The following DPP10 variants were observed in gnomAD, a reference collection of about 807,000 sequenced individuals.
The protein encoded by DPP10 is dipeptidyl peptidase like 10, also known as inactive dipeptidyl peptidase 10.
Under a neutral mutation model 120.9 loss-of-function variants are expected in DPP10, and 33 were observed. The observed-to-expected ratio is 0.27, with a 90% confidence interval of 0.21 to 0.37. The LOEUF (loss-of-function observed/expected upper bound fraction) is 0.37, where lower values mean the gene tolerates loss of function less well. Ranked by LOEUF, DPP10 falls within the 10% of genes least tolerant of loss-of-function variation. The probability of loss-of-function intolerance (pLI) is 1.00; values close to 1 mark genes in which losing one functional copy is unlikely to be tolerated. For missense variants in DPP10, 816 were observed against 942.8 expected (o/e 0.87, Z 1.76); for synonymous variants, 337 against 326.1 (o/e 1.03, Z -0.36).
chr2:114,853,008 G>A (rs1278394683), intron 1 of DPP10, among the ~76,000 whole-genome samples: 2 of 152,100 alleles, frequency 1.3e-5, no homozygotes, highest in Non-Finnish European at 2.9e-5. Flanking sequence ...TGTGCTGTCT[G>A]GACTCAGGAT....
chr2:115,266,678 G>T (rs1336380902), intron 1 of DPP10, among the ~76,000 whole-genome samples: 1 of 152,078 alleles, frequency 6.6e-6, no homozygotes, highest in African/African-American at 2.4e-5. Flanking sequence ...CTTTGTCTGT[G>T]GTATTAAGCT....
At chr2:114,850,385 G>A (rs1688862558) in intron 1 of DPP10, among the ~76,000 whole-genome samples, 1 of 152,068 alleles carries the variant, frequency 6.6e-6, no homozygotes, top group African/African-American at 2.4e-5. Context: ...AAACTGAGAG[G>A]TTATTAATAT....
intron 1 of DPP10, among the ~76,000 whole-genome samples, chr2:114,906,996 A>G (rs1361384667): frequency 6.6e-6 from 1 of 152,118 alleles, no homozygotes; most frequent in African/African-American, 2.4e-5. Context: ...TTTTTAATGT[A>G]TTCCCTATGA....
chr2:114,850,587 A>G (rs763529602), intron 1 of DPP10, among the ~76,000 whole-genome samples: 1 of 152,054 alleles, frequency 6.6e-6, no homozygotes, highest in Non-Finnish European at 1.5e-5. Flanking sequence ...GAGAGTCACA[A>G]TTCAGATCCT....
intron 1 of DPP10, among the ~76,000 whole-genome samples, chr2:114,746,563 G>T (rs2106012486): frequency 6.6e-6 from 1 of 152,326 alleles, no homozygotes; most frequent in Non-Finnish European, 1.5e-5. Context: ...CAGTCCTCAG[G>T]AGATGGAAGT....
chr2:115,004,589 A>T (rs1407379647), intron 1 of DPP10, among the ~76,000 whole-genome samples: 1 of 152,160 alleles, frequency 6.6e-6, no homozygotes, highest in Non-Finnish European at 1.5e-5. Flanking sequence ...CCCTTTCCTA[A>T]TCAAAGAAAG....
intron 1 of DPP10, chr2:115,233,984 G>C: frequency 3.9e-6 from 2 of 516,096 alleles, no homozygotes; most frequent in South Asian, 2.8e-5. Context: ...CAAAACAGTA[G>C]GAAGTTAAAT....
At chr2:114,969,366 T>G (rs750054723) in intron 1 of DPP10, among the ~76,000 whole-genome samples, 14 of 152,228 alleles carry the variant, frequency 9.2e-5, no homozygotes, top group Non-Finnish European at 1.6e-4. Flanking sequence ...CATAGCTTCC[T>G]TTAGTATTTT....
chr2:114,523,890 G>A (rs1351413628), intron 1 of DPP10, among the ~76,000 whole-genome samples: 1 of 152,118 alleles, frequency 6.6e-6, no homozygotes, highest in Non-Finnish European at 1.5e-5. Flanking sequence ...GTCTCAAATG[G>A]CAAGAACAGG....
chr2:114,506,590 G>A (rs1374723554), intron 1 of DPP10, among the ~76,000 whole-genome samples: 3 of 152,126 alleles, frequency 2.0e-5, no homozygotes, highest in Non-Finnish European at 2.9e-5. Context: ...AGGGCTTCAG[G>A]TGTTGCAGGC....
chr2:115,506,415 A>T (rs553456997), intron 4 of DPP10, among the ~76,000 whole-genome samples: 10 of 152,248 alleles, frequency 6.6e-5, no homozygotes, highest in Admixed American at 4.6e-4. Flanking sequence ...ACTGAGACCC[A>T]GAGAAATAAA....
At chr2:115,162,057 TCCCGGGAGGGGTG>T (rs2052418777) in intron 1 of DPP10, 1 of 1,439,940 alleles carries the variant, frequency 6.9e-7, no homozygotes, top group African/African-American at 1.5e-5. Flanking sequence ...GGCCAGGCCC[TCCCGGGAGGGGTG>T]GCTCCAGTGC....
chr2:114,838,662 G>A (rs142115167), intron 1 of DPP10, among the ~76,000 whole-genome samples: 1 of 152,060 alleles, frequency 6.6e-6, no homozygotes, highest in African/African-American at 2.4e-5. Flanking sequence ...ATACCGAAAG[G>A]TATACCCTCC....
intron 19 of DPP10, among the ~76,000 whole-genome samples, chr2:115,803,843 T>C (rs1305018604): frequency 6.6e-6 from 1 of 152,158 alleles, no homozygotes; most frequent in African/African-American, 2.4e-5. Context: ...ACCCGACCTT[T>C]CTCTCTGGCT....
At chr2:114,973,452 G>A (rs1699527677) in intron 1 of DPP10, among the ~76,000 whole-genome samples, 2 of 151,766 alleles carry the variant, frequency 1.3e-5, no homozygotes, top group Admixed American at 6.6e-5. Context: ...ACGAGGTCAG[G>A]AGATCGAGAC....
rs1256266941 is a variant in DPP10 at position 115,132,036 on chromosome 2, G to C, written c.61-177203G>C. ...ATCCAGGAGGTGGAGGTTACAGTGA[G>C]CCAAGATTGTGCCACTGCACTCCAG... On this transcript the variant is annotated intron_variant, in intron 1 of 25. Transcript: ENST00000410059. 2.0e-5 allele frequency: 3 copies of C among 152,296 alleles called. 1 individual carries two copies. Among genetic ancestry groups the C allele is most frequent in the Non-Finnish European group, 4.4e-5 (3 of 68,038 alleles). The allele number at this position is 152,296 out of a possible 1,614,324, so 9.4% of individuals were successfully genotyped here. A position where few individuals can be genotyped will look rare whatever the true frequency, so the allele number is the denominator to read the frequency against.
intron 4 of DPP10, among the ~76,000 whole-genome samples, chr2:115,512,202 G>A (rs964054278): frequency 7.9e-5 from 12 of 152,048 alleles, no homozygotes; most frequent in Non-Finnish European, 1.8e-4. Context: ...CCAGGCTTAA[G>A]CAACCTTCCC....
At chr2:114,564,446 C>T (rs573695954) in intron 1 of DPP10, among the ~76,000 whole-genome samples, 1 of 152,084 alleles carries the variant, frequency 6.6e-6, no homozygotes, top group Non-Finnish European at 1.5e-5. Flanking sequence ...GGCAAAGCAC[C>T]TACTCTTCCC....
At chr2:115,122,249 G>A (rs1008465541) in intron 1 of DPP10, among the ~76,000 whole-genome samples, 4 of 152,158 alleles carry the variant, frequency 2.6e-5, no homozygotes, top group Non-Finnish European at 5.9e-5. Context: ...TGAGAGAAGA[G>A]AAGAGGAGGG....
Sources: gnomAD v4.1 joint callset for allele counts (sites outside exome capture counted in the v4.1 genomes callset) on GRCh38, gnomAD v4.1.1 for gene constraint, MANE v1.5 for transcripts, NCBI Gene and HGNC (gene_info 2026-07-23, HGNC 2026-07-21) for gene names.